Variants in NRG1 observed in about 807,000 individuals in gnomAD.
The protein encoded by NRG1 is pro-neuregulin-1, membrane-bound isoform.
NRG1 carries 18 observed loss-of-function variants against 63.8 expected under a neutral mutation model. The observed-to-expected ratio is 0.28, with a 90% CI of 0.19 to 0.42. NRG1 has a LOEUF of 0.42. NRG1 is among the 10% of genes least tolerant of loss of function. The pLI is 1.00. For synonymous variants in NRG1, 302 were observed against 301.3 expected, an observed-to-expected ratio of 1.00 and a Z score of -0.02; for missense variants, 762 against 814.7, an observed-to-expected ratio of 0.94 and a Z score of 0.79.
chr8:32,733,502 C>T (rs1235900815), intron 6 of NRG1, among the ~76,000 whole-genome samples: 1 of 151,882 alleles, frequency 6.6e-6, no homozygotes, highest in Non-Finnish European at 1.5e-5. Context: ...TCAAATTATG[C>T]CTGAGGTCGC....
chr8:32,470,355 A>AT (rs1015953317), intron 1 of NRG1, among the ~76,000 whole-genome samples: 32 of 150,274 alleles, frequency 2.1e-4, no homozygotes, highest in Admixed American at 4.6e-4. Context: ...TAATTTATTT[A>AT]TTTTTTTCTT....
chr8:31,993,279 G>A (rs1811391151), intron 1 of NRG1, among the ~76,000 whole-genome samples: 1 of 151,990 alleles, frequency 6.6e-6, no homozygotes. Flanking sequence ...ATCCTACACA[G>A]CCAATTAAGG....
At chr8:32,011,624 G>C (rs189639227) in intron 1 of NRG1, among the ~76,000 whole-genome samples, 35 of 152,086 alleles carry the variant, frequency 2.3e-4, no homozygotes, top group African/African-American at 8.2e-4. Context: ...ATTGATCTCT[G>C]ATGCTACAAA....
intron 1 of NRG1, among the ~76,000 whole-genome samples, chr8:31,696,226 C>A (rs980991950): frequency 6.6e-6 from 1 of 152,102 alleles, no homozygotes; most frequent in Non-Finnish European, 1.5e-5. Flanking sequence ...GCCATCATGT[C>A]CAGCTAATTT....
chr8:32,339,036 A>G (rs948708023), intron 1 of NRG1, among the ~76,000 whole-genome samples: 25 of 152,100 alleles, frequency 1.6e-4, no homozygotes, highest in African/African-American at 6.0e-4. Flanking sequence ...TCCATTGTTA[A>G]TTTGAGTGAC....
intron 1 of NRG1, among the ~76,000 whole-genome samples, chr8:31,737,769 T>C (rs766306861): frequency 1.4e-4 from 22 of 152,112 alleles, no homozygotes; most frequent in Non-Finnish European, 2.2e-4. Flanking sequence ...TAAGGTCTGT[T>C]CTATGGCACC....
At chr8:31,743,765 G>T (rs559427354) in intron 1 of NRG1, among the ~76,000 whole-genome samples, 1 of 152,054 alleles carries the variant, frequency 6.6e-6, no homozygotes, top group South Asian at 2.1e-4. Flanking sequence ...AGGCACAAAA[G>T]CTATGATTTT....
intron 1 of NRG1, among the ~76,000 whole-genome samples, chr8:32,023,885 C>A (rs1377046864): frequency 1.3e-5 from 2 of 152,116 alleles, no homozygotes; most frequent in Non-Finnish European, 2.9e-5. Context: ...GACCTTGCAG[C>A]CAGCACTGAT....
At chr8:31,891,175 T>TAA in intron 1 of NRG1, among the ~76,000 whole-genome samples, 1 of 152,114 alleles carries the variant, frequency 6.6e-6, no homozygotes, top group African/African-American at 2.4e-5. Flanking sequence ...ATTAAAAACC[T>TAA]TTGCCCTGCA....
chr8:31,766,067 C>T (rs780108905), intron 1 of NRG1, among the ~76,000 whole-genome samples: 6 of 151,708 alleles, frequency 4.0e-5, no homozygotes, highest in African/African-American at 7.3e-5. Flanking sequence ...GAGAACACAC[C>T]GATATGAGAA....
At chr8:32,661,624 CT>C (rs35618717) in intron 5 of NRG1, among the ~76,000 whole-genome samples, 8,144 of 136,294 alleles carry the variant, frequency 0.06, 603 homozygotes, top group East Asian at 0.38. Context: ...TCATTTAGGG[CT>C]TTTTTTTTTT....
intron 1 of NRG1, among the ~76,000 whole-genome samples, chr8:31,776,487 C>A (rs1819150577): frequency 6.6e-6 from 1 of 152,148 alleles, no homozygotes; most frequent in Non-Finnish European, 1.5e-5. Context: ...CTCCCTCATG[C>A]CCATGCTCTT....
At chr8:32,312,150 C>CTTGT (rs1253528608) in intron 1 of NRG1, among the ~76,000 whole-genome samples, 1 of 127,202 alleles carries the variant, frequency 7.9e-6, no homozygotes, top group African/African-American at 2.9e-5. Context: ...ATTATTTGAC[C>CTTGT]TTGTTTGTTT....
In NRG1 at chr8:32,736,625, T is replaced by G. The variant is rs994804936; in HGVS notation, c.633-6050T>G. ...AAAGCAGACAGATAATAGGGACTTT[T>G]CATTTTTCGACAAGGTATTTTTTAA... On this transcript the variant is annotated intron_variant, in intron 6 of 11. Coordinates refer to ENST00000356819, the Ensembl canonical transcript of NRG1. Among the ~76,000 whole-genome samples the G allele has an allele frequency of 3.0e-4, 46 of 152,240 alleles. 1 individual carries two copies. The highest frequency in any genetic ancestry group is 3.4e-4 in the Non-Finnish European group (23 of 68,042).
At chr8:32,085,590 G>A (rs1828090807) in intron 1 of NRG1, among the ~76,000 whole-genome samples, 1 of 152,142 alleles carries the variant, frequency 6.6e-6, no homozygotes, top group Non-Finnish European at 1.5e-5. Context: ...GATCTAGATG[G>A]AAGATATTAA....
At chr8:31,775,642 C>T (rs1009687978) in intron 1 of NRG1, among the ~76,000 whole-genome samples, 3 of 151,990 alleles carry the variant, frequency 2.0e-5, no homozygotes, top group Non-Finnish European at 2.9e-5. Flanking sequence ...AATCCCAGCA[C>T]GGAGGCCAAG....
At chr8:32,054,646 A>G (rs1278989115) in intron 1 of NRG1, among the ~76,000 whole-genome samples, 1 of 152,088 alleles carries the variant, frequency 6.6e-6, no homozygotes. Context: ...TGTTAGGGCT[A>G]TTGCTGTTTT....
At chr8:32,164,963 A>G (rs1319165722) in intron 1 of NRG1, among the ~76,000 whole-genome samples, 3 of 152,116 alleles carry the variant, frequency 2.0e-5, no homozygotes, top group South Asian at 2.1e-4. Flanking sequence ...TAGCTCCAGT[A>G]TATAAATAGA....
At chr8:32,639,718 GACTA>G (rs1021406796) in intron 5 of NRG1, among the ~76,000 whole-genome samples, 1 of 152,190 alleles carries the variant, frequency 6.6e-6, no homozygotes, top group Non-Finnish European at 1.5e-5. Context: ...GCTATATACT[GACTA>G]ACTACATTTC....
Sources: gnomAD v4.1 joint callset for allele counts (sites outside exome capture counted in the v4.1 genomes callset) on GRCh38, gnomAD v4.1.1 for gene constraint, MANE v1.5 for transcripts, NCBI Gene and HGNC (gene_info 2026-07-23, HGNC 2026-07-21) for gene names.